Variants in SLC9A9 observed in about 807,000 individuals in gnomAD.
SLC9A9 encodes the protein sodium/hydrogen exchanger 9.
A neutral mutation model predicts 77.8 loss-of-function variants in SLC9A9; 62 were observed. The ratio of observed to expected loss-of-function variants is 0.80; its 90% CI spans 0.65 to 0.98. The LOEUF (loss-of-function observed/expected upper bound fraction) is 0.98, where lower values mean the gene tolerates loss of function less well. Among genes scored for constraint, SLC9A9 ranks in the 50% least tolerant of loss-of-function variants. The pLI, the probability that SLC9A9 is intolerant of heterozygous loss-of-function variation, is 0.00. For missense variants in SLC9A9, 775 were observed against 774.9 expected, an observed-to-expected ratio of 1.00 and a Z score of 0.00; for synonymous variants, 320 against 283.5, an observed-to-expected ratio of 1.13 and a Z score of -1.29.
Position 143,780,693 on chromosome 3 carries a change from C to G in SLC9A9, c.533+14308G>C, listed in dbSNP as rs369475754. Among the ~76,000 whole-genome samples the G allele has an allele frequency of 2.8e-3, 428 of 150,506 alleles. 2 individuals carry two copies. The highest frequency in any genetic ancestry group is 0.01 in the African/African-American group (414 of 39,854). On this transcript the variant is annotated intron_variant, in intron 4 of 15. Coordinates refer to ENST00000316549, the MANE Select transcript of SLC9A9 (RefSeq NM_173653.4). ...AGAGGGAAAGTTTCCCAATGGCTGT[C>G]TAGTGTCTGCCTTCTACAGTGTTGG...
intron 4 of SLC9A9, among the ~76,000 whole-genome samples, chr3:143,758,512 G>A (rs796110499): frequency 5.9e-5 from 9 of 152,242 alleles, no homozygotes; most frequent in African/African-American, 1.7e-4. Context: ...AAGGTAGGAA[G>A]GTCTCAGAGA....
At chr3:143,844,749 CTTTCTT>C (rs2009791208) in intron 1 of SLC9A9, among the ~76,000 whole-genome samples, 1 of 146,500 alleles carries the variant, frequency 6.8e-6, no homozygotes, top group Non-Finnish European at 1.5e-5. Context: ...TTCTTTCTTT[CTTTCTT>C]TCTTTCTTTC....
At chr3:143,549,162 G>A (rs1298332463) in intron 9 of SLC9A9, among the ~76,000 whole-genome samples, 3 of 152,170 alleles carry the variant, frequency 2.0e-5, no homozygotes, top group Non-Finnish European at 2.9e-5. Context: ...AACCTCTTTA[G>A]TACATGCCTC....
At chr3:143,498,199 C>T (rs1295950093) in intron 9 of SLC9A9, among the ~76,000 whole-genome samples, 1 of 152,168 alleles carries the variant, frequency 6.6e-6, no homozygotes, top group East Asian at 1.9e-4. Flanking sequence ...TGAACCTGCT[C>T]TTTGTTCGTG....
chr3:143,406,724 C>A (rs1426420181), intron 12 of SLC9A9, among the ~76,000 whole-genome samples: 1 of 151,928 alleles, frequency 6.6e-6, no homozygotes, highest in African/African-American at 2.4e-5. Flanking sequence ...GCCTGTGATC[C>A]CAGCACTTTG....
At position 143,449,696 on chromosome 3, in the gene SLC9A9, AT is replaced by A. The variant is rs2034943571; in HGVS notation, c.1469+17340del. 4.2e-5 allele frequency among the ~76,000 whole-genome samples: 2 copies of A among 47,572 alleles called. 1 individual carries two copies. The highest frequency in any genetic ancestry group is 6.4e-5 in the Non-Finnish European group (2 of 31,134). 31.2% of individuals were successfully genotyped at this position (47,572 alleles called of 152,430 possible). On this transcript the variant is annotated intron_variant, in intron 12 of 15. Coordinates refer to ENST00000316549, the MANE Select transcript of SLC9A9 (RefSeq NM_173653.4). ...TTATATAATTATATAAAATATAATT[AT>A]ATTATATAATTATATAAAATATAAT...
chr3:143,626,364 C>G (rs1179772257), intron 6 of SLC9A9, among the ~76,000 whole-genome samples: 1 of 152,208 alleles, frequency 6.6e-6, no homozygotes, highest in Non-Finnish European at 1.5e-5. Context: ...TTGGAACCAA[C>G]CCAAATGTCC....
intron 4 of SLC9A9, among the ~76,000 whole-genome samples, chr3:143,763,187 T>C (rs2007193053): frequency 6.6e-6 from 1 of 152,138 alleles, no homozygotes; most frequent in Non-Finnish European, 1.5e-5. Context: ...CATATGTTCT[T>C]ATGACCAAAG....
Position 143,449,769 on chromosome 3 carries a change from TTA to T in SLC9A9, c.1469+17266_1469+17267del, listed in dbSNP as rs367975850. Among the ~76,000 whole-genome samples the T allele has an allele frequency of 4.4e-3, 301 of 68,512 alleles. 30 individuals are homozygous for T. The highest frequency in any genetic ancestry group is 0.01 in the African/African-American group (146 of 14,342). 44.9% of individuals were successfully genotyped at this position (68,512 alleles called of 152,430 possible). Reference sequence around the variant, plus strand: ...ATAAAAATTATACAAGTATATATAATTATATATATTTATATATAATTATATAT... The same window carrying T: ...ATAAAAATTATACAAGTATATATAATTATATATTTATATATAATTATATAT... On this transcript the variant is annotated intron_variant, in intron 12 of 15. Transcript: ENST00000316549.
At chr3:143,482,548 C>T (rs1370799499) in intron 11 of SLC9A9, among the ~76,000 whole-genome samples, 1 of 152,170 alleles carries the variant, frequency 6.6e-6, no homozygotes, top group African/African-American at 2.4e-5. Flanking sequence ...TTCCTAAACT[C>T]CCTCCTTGTT....
chr3:143,547,475 G>A (rs142005290), intron 9 of SLC9A9, among the ~76,000 whole-genome samples: 7 of 152,178 alleles, frequency 4.6e-5, no homozygotes, highest in African/African-American at 9.6e-5. Flanking sequence ...AGCTAATACC[G>A]GATACTTCTA....
At chr3:143,768,379 C>A (rs1266788067) in intron 4 of SLC9A9, among the ~76,000 whole-genome samples, 1 of 152,042 alleles carries the variant, frequency 6.6e-6, no homozygotes, top group Admixed American at 6.6e-5. Context: ...GTATTTTATG[C>A]CCAAGTTATA....
chr3:143,403,736 C>T (rs2033911250), intron 12 of SLC9A9, among the ~76,000 whole-genome samples: 1 of 152,172 alleles, frequency 6.6e-6, no homozygotes, highest in South Asian at 2.1e-4. Flanking sequence ...TGATGAATAA[C>T]TTCTCTTATT....
At position 143,794,975 on chromosome 3, in the gene SLC9A9, C is replaced by A. The variant is rs761072826; in HGVS notation, c.533+26G>T. On this transcript the variant is annotated intron_variant, in intron 4 of 15. Coordinates refer to ENST00000316549, the MANE Select transcript of SLC9A9 (RefSeq NM_173653.4). The stretch of plus-strand genomic sequence containing the variant: ...AGATCACAGACCCCACAGCCACCTG[C>A]AACTTGAGCTCCGAATGTCACTTAC... 5 of 1,608,224 alleles carry A rather than the reference C, an allele frequency of 3.1e-6. No individual in the cohort carries two copies. In the African/African-American group the frequency reaches 5.4e-5, roughly 17 times the overall value.
chr3:143,417,938 T>G (rs528743859), intron 12 of SLC9A9, among the ~76,000 whole-genome samples: 15 of 152,010 alleles, frequency 9.9e-5, no homozygotes, highest in Admixed American at 9.2e-4. Context: ...CCTCATTCCA[T>G]GCACTTCTTG....
At chr3:143,292,626 T>C (rs1410919545) in intron 14 of SLC9A9, among the ~76,000 whole-genome samples, 1 of 152,106 alleles carries the variant, frequency 6.6e-6, no homozygotes, top group Non-Finnish European at 1.5e-5. Context: ...AGAGAATCCC[T>C]TCCTATGGTA....
intron 4 of SLC9A9, among the ~76,000 whole-genome samples, chr3:143,742,189 C>G (rs1935088773): frequency 6.6e-6 from 1 of 152,210 alleles, no homozygotes; most frequent in East Asian, 1.9e-4. Flanking sequence ...TACCCAGGAA[C>G]TGACTCAGCT....
chr3:143,533,521 G>C (rs532864998), intron 9 of SLC9A9, among the ~76,000 whole-genome samples: 19 of 152,294 alleles, frequency 1.2e-4, no homozygotes, highest in African/African-American at 3.6e-4. Flanking sequence ...AATGCAATAA[G>C]TGAGGCCACA....
At chr3:143,585,831 G>A (rs1277039858) in intron 6 of SLC9A9, among the ~76,000 whole-genome samples, 1 of 152,200 alleles carries the variant, frequency 6.6e-6, no homozygotes, top group African/African-American at 2.4e-5. Context: ...CAGAAGAGGT[G>A]CTGGTCTCTG....
Sources: allele counts gnomAD v4.1 joint callset (sites outside exome capture counted in the v4.1 genomes callset), GRCh38; gene constraint gnomAD v4.1.1; transcripts MANE v1.5; gene names NCBI Gene and HGNC (gene_info 2026-07-23, HGNC 2026-07-21).